The following ABHD17B variants were observed in gnomAD, a reference collection of about 807,000 sequenced individuals.
ABHD17B encodes the protein alpha/beta hydrolase domain-containing protein 17B.
A neutral mutation model predicts 26.2 loss-of-function variants in ABHD17B; 9 were observed. The observed-to-expected ratio is 0.34, with a 90% CI of 0.21 to 0.60. ABHD17B has a LOEUF of 0.60. Among genes scored for constraint, ABHD17B ranks in the 20% least tolerant of loss-of-function variants. The pLI is 0.80. For missense variants in ABHD17B, 224 were observed against 352.1 expected, an observed-to-expected ratio of 0.64 and a Z score of 2.91; for synonymous variants, 127 against 122.3, an observed-to-expected ratio of 1.04 and a Z score of -0.25.
At chr9:71,901,269 A>C (rs940737950) in intron 1 of ABHD17B, among the ~76,000 whole-genome samples, 2 of 151,924 alleles carry the variant, frequency 1.3e-5, no homozygotes, top group African/African-American at 2.4e-5. Context: ...TCAGAATCAA[A>C]CCTCTTTACT....
At position 71,866,134 on chromosome 9, in the gene ABHD17B, T is replaced by G. The variant is rs1825950561; in HGVS notation, c.*653A>C. 1.0e-6 allele frequency: 1 copy of G among 985,150 alleles called. No homozygotes were observed. 61.0% of individuals were successfully genotyped at this position (985,150 alleles called of 1,614,324 possible). ...AACTAGTTAAAATTCAGTGCTATCA[T>G]GACTTCTCATTTACAAGGTAACTCA... On this transcript the variant is annotated 3_prime_UTR_variant, in exon 4 of 4. Coordinates refer to ENST00000333421, the MANE Select transcript of ABHD17B (RefSeq NM_001025780.3).
At chr9:71,864,466 G>A (rs906599102), downstream of ABHD17B, among the ~76,000 whole-genome samples, 9 of 151,910 alleles carry the variant, frequency 5.9e-5, no homozygotes, top group Non-Finnish European at 1.2e-4. Context: ...TGATCCACCT[G>A]CCTCAGCCTC....
intron 1 of ABHD17B, among the ~76,000 whole-genome samples, chr9:71,910,259 ACT>A (rs980739771): frequency 6.6e-6 from 1 of 152,050 alleles, no homozygotes; most frequent in African/African-American, 2.4e-5. Flanking sequence ...CTTTTCATCC[ACT>A]GAGAGAAAAG....
At chr9:71,890,815 T>G (rs1421778340) in intron 1 of ABHD17B, among the ~76,000 whole-genome samples, 1 of 152,198 alleles carries the variant, frequency 6.6e-6, no homozygotes, top group Admixed American at 6.5e-5. Flanking sequence ...TTATTAGAAT[T>G]TGTTCAACAA....
intron 1 of ABHD17B, among the ~76,000 whole-genome samples, chr9:71,877,770 T>C (rs1222923445): frequency 2.6e-5 from 4 of 152,200 alleles, no homozygotes; most frequent in African/African-American, 9.6e-5. Flanking sequence ...GCTGGCTGGT[T>C]GAACATATAT....
At chr9:71,905,186 G>C (rs1169332323) in intron 1 of ABHD17B, among the ~76,000 whole-genome samples, 1 of 151,084 alleles carries the variant, frequency 6.6e-6, no homozygotes, top group African/African-American at 2.4e-5. Context: ...GTGGTGGCGC[G>C]ATCTCGGCTC....
chr9:71,907,884 T>C (rs1002546732), intron 1 of ABHD17B, among the ~76,000 whole-genome samples: 1 of 152,178 alleles, frequency 6.6e-6, no homozygotes, highest in African/African-American at 2.4e-5. Flanking sequence ...TTCATTATAT[T>C]GTATGGCACC....
At chr9:71,899,343 G>C (rs1047069262) in intron 1 of ABHD17B, among the ~76,000 whole-genome samples, 3 of 152,186 alleles carry the variant, frequency 2.0e-5, no homozygotes, top group African/African-American at 7.2e-5. Context: ...TCCTTTATTT[G>C]AGATGAATCT....
intron 1 of ABHD17B, among the ~76,000 whole-genome samples, chr9:71,899,633 G>A (rs1589230171): frequency 6.6e-6 from 1 of 152,268 alleles, no homozygotes; most frequent in Non-Finnish European, 1.5e-5. Context: ...CCAAGAGTTG[G>A]AAAATGAAGG....
At chr9:71,894,087 C>CAAAAAAAAAAAAAAAAAAAAAAA (rs1180729763) in intron 1 of ABHD17B, among the ~76,000 whole-genome samples, 2 of 52,324 alleles carry the variant, frequency 3.8e-5, no homozygotes, top group African/African-American at 1.7e-4. Flanking sequence ...GACTCTATCT[C>CAAAAAAAAAAAAAAAAAAAAAAA]AAAAAAAAAA....
At chr9:71,874,177 A>ATTT (rs11419236) in intron 2 of ABHD17B, among the ~76,000 whole-genome samples, 59 of 147,110 alleles carry the variant, frequency 4.0e-4, no homozygotes, top group East Asian at 1.0e-3. Flanking sequence ...ACTGGATTTA[A>ATTT]TTTTTTTTTT....
intron 1 of ABHD17B, among the ~76,000 whole-genome samples, chr9:71,890,053 G>A (rs1826737295): frequency 6.6e-6 from 1 of 151,916 alleles, no homozygotes; most frequent in South Asian, 2.1e-4. Context: ...TTGAGGTCAG[G>A]AGTTTCAAGA....
chr9:71,905,191 C>T (rs1376182081), intron 1 of ABHD17B, among the ~76,000 whole-genome samples: 3 of 151,090 alleles, frequency 2.0e-5, no homozygotes, highest in Non-Finnish European at 4.4e-5. Context: ...GGCGCGATCT[C>T]GGCTCACTGC....
At chr9:71,892,676 G>T (rs1171607028) in intron 1 of ABHD17B, among the ~76,000 whole-genome samples, 3 of 151,324 alleles carry the variant, frequency 2.0e-5, no homozygotes, top group African/African-American at 7.3e-5. Context: ...CAGGTGATAA[G>T]GTGGGGGAAG....
intron 1 of ABHD17B, among the ~76,000 whole-genome samples, chr9:71,883,195 T>G (rs1167923445): frequency 6.6e-6 from 1 of 152,188 alleles, no homozygotes; most frequent in Admixed American, 6.5e-5. Context: ...TTGAGTGTTA[T>G]GGTATGTCAA....
chr9:71,868,183 T>C (rs926060878), intron 3 of ABHD17B, among the ~76,000 whole-genome samples: 1 of 151,856 alleles, frequency 6.6e-6, no homozygotes, highest in African/African-American at 2.4e-5. Flanking sequence ...CACACCATTG[T>C]ACTCCAGCCT....
At chr9:71,908,121 T>A (rs1478799393) in intron 1 of ABHD17B, among the ~76,000 whole-genome samples, 3 of 152,206 alleles carry the variant, frequency 2.0e-5, no homozygotes. Context: ...AACAGTGAAG[T>A]GGCTCACACC....
chr9:71,879,944 T>G (rs17057256), intron 1 of ABHD17B, among the ~76,000 whole-genome samples: 69 of 152,234 alleles, frequency 4.5e-4, no homozygotes, highest in African/African-American at 1.6e-3. Flanking sequence ...AACTACTGTT[T>G]TGTGGAAAGG....
At chr9:71,897,306 G>A (rs1278911006) in intron 1 of ABHD17B, among the ~76,000 whole-genome samples, 2 of 44,482 alleles carry the variant, frequency 4.5e-5, no homozygotes, top group East Asian at 8.7e-4. Flanking sequence ...CAAGGTGGAA[G>A]GATCACTTGA....
Sources: gnomAD v4.1 joint callset for allele counts (sites outside exome capture counted in the v4.1 genomes callset) on GRCh38, gnomAD v4.1.1 for gene constraint, MANE v1.5 for transcripts, NCBI Gene and HGNC (gene_info 2026-07-23, HGNC 2026-07-21) for gene names.